Variants in FXR1 observed in about 807,000 individuals in gnomAD.
FXR1 encodes RNA-binding protein FXR1.
Under a neutral mutation model 84.0 loss-of-function variants are expected in FXR1, and 15 were observed. The observed-to-expected ratio is 0.18, with a 90% confidence interval of 0.12 to 0.27. FXR1 has a LOEUF of 0.27. Ranked by LOEUF, FXR1 falls within the 10% of genes least tolerant of loss-of-function variation. FXR1 has a pLI of 1.00. For synonymous variants in FXR1, 245 were observed against 250.7 expected, an observed-to-expected ratio of 0.98 and a Z score of 0.21; for missense variants, 480 against 774.4, an observed-to-expected ratio of 0.62 and a Z score of 4.51.
At chr3:180,917,970 G>C (rs1375527128) in intron 1 of FXR1, among the ~76,000 whole-genome samples, 1 of 115,578 alleles carries the variant, frequency 8.7e-6, no homozygotes, top group African/African-American at 3.2e-5. Context: ...AAAAAAAAAA[G>C]TCAATTTAAA....
At chr3:180,957,312 G>A (rs1232745212) in intron 9 of FXR1, among the ~76,000 whole-genome samples, 1 of 152,002 alleles carries the variant, frequency 6.6e-6, no homozygotes, top group East Asian at 1.9e-4. Context: ...AAACTTCTTG[G>A]TGTAAAATAT....
At position 180,953,370 on chromosome 3, in the gene FXR1, A is replaced by G. The variant is rs1805601; in HGVS notation, c.802-392A>G. ...ATTTTGAGAATAAATAAATCAGACAATTTTAACAATTTGTATTGTTAACAT... is the reference window on the plus strand; with the variant it reads ...ATTTTGAGAATAAATAAATCAGACAGTTTTAACAATTTGTATTGTTAACAT... On this transcript the variant is annotated intron_variant, in intron 8 of 16. Transcript: ENST00000357559. 1.1e-4 allele frequency among the ~76,000 whole-genome samples: 16 copies of G among 152,298 alleles called. No homozygotes were observed. In the South Asian group the frequency reaches 2.5e-3, roughly 24 times the overall value.
At chr3:180,944,164 C>T (rs900679089) in intron 3 of FXR1, among the ~76,000 whole-genome samples, 3 of 152,052 alleles carry the variant, frequency 2.0e-5, no homozygotes, top group African/African-American at 7.2e-5. Flanking sequence ...CCACCCACCT[C>T]GGCCTCCCAA....
At chr3:180,962,458 C>T (rs1576988052) in intron 11 of FXR1, among the ~76,000 whole-genome samples, 2 of 152,206 alleles carry the variant, frequency 1.3e-5, no homozygotes, top group Non-Finnish European at 2.9e-5. Context: ...GGTCACAACT[C>T]GTGTCACTGC....
Position 180,976,152 on chromosome 3 carries a change from T to A in FXR1, c.1726T>A (p.Ser576Thr). Residue 576 changes from serine (S) to threonine (T), a missense_variant, in exon 17 of 17, where the codon TCA (serine) becomes ACA (threonine). Transcript: ENST00000357559. ...AKDVIEEHGP[S>T]EKAINGPTSA... ...AGATGTGATTGAAGAGCATGGTCCT[T>A]CAGAAAAGGCAATAAACGGCCCAAC... The A allele has an allele frequency of 6.2e-7, 1 of 1,613,122 alleles. No homozygotes were observed. Among genetic ancestry groups the A allele is most frequent in the Non-Finnish European group, 8.5e-7 (1 of 1,179,510 alleles).
intron 3 of FXR1, among the ~76,000 whole-genome samples, chr3:180,938,110 T>C (rs535325186): frequency 6.6e-6 from 1 of 152,320 alleles, no homozygotes; most frequent in Admixed American, 6.5e-5. Flanking sequence ...GGTGTGGATA[T>C]ATCAAATTAA....
Position 180,951,741 on chromosome 3 carries a change from A to C in FXR1, c.801+273A>C, listed in dbSNP as rs143229981. Reference sequence around the variant, plus strand: ...GTTTACTTCAGTTTTATACCCGTTAACAAATAATCTATCGAAGTATTTTTT... The same window carrying C: ...GTTTACTTCAGTTTTATACCCGTTACCAAATAATCTATCGAAGTATTTTTT... On this transcript the variant is annotated intron_variant, in intron 8 of 16. Transcript: ENST00000357559. 1.1e-3 allele frequency among the ~76,000 whole-genome samples: 175 copies of C among 152,182 alleles called. 2 individuals carry two copies. In the East Asian group the frequency reaches 0.033, roughly 29 times the overall value.
chr3:180,930,315 A>G (rs1719738712), intron 1 of FXR1, among the ~76,000 whole-genome samples: 1 of 152,112 alleles, frequency 6.6e-6, no homozygotes, highest in African/African-American at 2.4e-5. Flanking sequence ...TTTGTGAAAA[A>G]TGTGCACTCA....
chr3:180,917,818 G>A (rs1415633460), intron 1 of FXR1, among the ~76,000 whole-genome samples: 3 of 151,758 alleles, frequency 2.0e-5, no homozygotes, highest in Non-Finnish European at 2.9e-5. Context: ...GTGGTGGCAC[G>A]CGCCTGTAGT....
intron 3 of FXR1, among the ~76,000 whole-genome samples, chr3:180,947,368 A>G (rs1366203125): frequency 6.6e-6 from 1 of 152,202 alleles, no homozygotes; most frequent in Non-Finnish European, 1.5e-5. Context: ...TTTGTAAGAT[A>G]CTTAATGTAT....
chr3:180,940,500 A>C (rs1348644209), intron 3 of FXR1, among the ~76,000 whole-genome samples: 1 of 152,150 alleles, frequency 6.6e-6, no homozygotes, highest in Non-Finnish European at 1.5e-5. Context: ...AGCAAGTAAT[A>C]TATAAGCAAC....
chr3:180,956,827 G>T (rs1416681901), intron 9 of FXR1, among the ~76,000 whole-genome samples: 1 of 152,086 alleles, frequency 6.6e-6, no homozygotes, highest in Non-Finnish European at 1.5e-5. Flanking sequence ...CCAGTCTACT[G>T]TTGTCGTTCT....
Position 180,977,041 on chromosome 3 carries a change from A to C in FXR1, c.*749A>C, listed in dbSNP as rs1301717670. On this transcript the variant is annotated 3_prime_UTR_variant, in exon 17 of 17. Coordinates refer to ENST00000357559, the MANE Select transcript of FXR1 (RefSeq NM_005087.4). ...AGAAGGTTTATTCTGTATAAACTACATGTTAGTCTTCAGTAGAGTATCTTT... is the reference window on the plus strand; with the variant it reads ...AGAAGGTTTATTCTGTATAAACTACCTGTTAGTCTTCAGTAGAGTATCTTT... The C allele has an allele frequency of 6.6e-6, 1 of 151,568 alleles. No homozygotes were observed. Among genetic ancestry groups the C allele is most frequent in the Non-Finnish European group, 1.5e-5 (1 of 67,764 alleles). 9.4% of individuals were successfully genotyped at this position (151,568 alleles called of 1,614,324 possible). A position where few individuals can be genotyped will look rare whatever the true frequency, so the allele number is the denominator to read the frequency against.
At position 180,953,953 on chromosome 3, in the gene FXR1, GATTT is replaced by G. The variant is rs1405555024; in HGVS notation, c.880+119_880+122del. On this transcript the variant is annotated intron_variant, in intron 9 of 16. Coordinates refer to ENST00000357559, the MANE Select transcript of FXR1 (RefSeq NM_005087.4). ...GATAACCTTATTCCAGTTATGTGTA[GATTT>G]ATTTAGATAGCAATACTTCTTTTCT... The G allele has an allele frequency of 2.0e-4, 122 of 603,916 alleles. 1 individual carries two copies. The East Asian group carries it at 3.5e-3, about 17-fold the overall frequency. 37.4% of individuals were successfully genotyped at this position (603,916 alleles called of 1,614,324 possible).
intron 1 of FXR1, among the ~76,000 whole-genome samples, chr3:180,920,614 C>A (rs893325731): frequency 1.3e-5 from 2 of 151,000 alleles, no homozygotes; most frequent in African/African-American, 4.9e-5. Context: ...TAGGTTCAGG[C>A]GATTCTTGTG....
chr3:180,930,058 T>A (rs1424041014), intron 1 of FXR1, among the ~76,000 whole-genome samples: 1 of 151,862 alleles, frequency 6.6e-6, no homozygotes, highest in Non-Finnish European at 1.5e-5. Context: ...GAGGTCGGAG[T>A]TCGAGACCAG....
chr3:180,969,251 G>GT (rs1431855951), intron 14 of FXR1, among the ~76,000 whole-genome samples: 1 of 152,170 alleles, frequency 6.6e-6, no homozygotes, highest in Non-Finnish European at 1.5e-5. Context: ...TTACCAAGGT[G>GT]TTTAAAATTA....
intron 1 of FXR1, among the ~76,000 whole-genome samples, chr3:180,923,876 A>G (rs16832165): frequency 0.24 from 36,501 of 151,958 alleles, 4,600 homozygotes; most frequent in African/African-American, 0.31. Flanking sequence ...ACAGACCCTC[A>G]GGCATCCTTC....
At chr3:180,930,294 G>T (rs1396161086) in intron 1 of FXR1, among the ~76,000 whole-genome samples, 1 of 152,102 alleles carries the variant, frequency 6.6e-6, no homozygotes, top group East Asian at 1.9e-4. Context: ...GTACAGAGCT[G>T]TGTTTTAAAG....
Sources: gnomAD v4.1 joint callset for allele counts (sites outside exome capture counted in the v4.1 genomes callset) on GRCh38, gnomAD v4.1.1 for gene constraint, MANE v1.5 for transcripts, NCBI Gene and HGNC (gene_info 2026-07-23, HGNC 2026-07-21) for gene names.